SEZ6L: variants seen among roughly 807,000 people sequenced by gnomAD.
The protein encoded by SEZ6L is seizure 6-like protein.
Under a neutral mutation model 106.2 loss-of-function variants are expected in SEZ6L, and 37 were observed. That is an observed-to-expected ratio of 0.35 (90% CI 0.27 to 0.46). The LOEUF is 0.46. Ranked by LOEUF, SEZ6L falls within the 20% of genes least tolerant of loss-of-function variation. SEZ6L has a pLI of 1.00. For synonymous variants in SEZ6L, 541 were observed against 570.4 expected (o/e 0.95, Z 0.73); for missense variants, 1,172 against 1,332.8 (o/e 0.88, Z 1.88).
At chr22:26,174,510 T>C (rs922847173) in intron 1 of SEZ6L, among the ~76,000 whole-genome samples, 3 of 152,218 alleles carry the variant, frequency 2.0e-5, no homozygotes, top group Admixed American at 6.5e-5. Flanking sequence ...CAAAGGACTT[T>C]GAGCCGCGGT....
intron 1 of SEZ6L, among the ~76,000 whole-genome samples, chr22:26,214,602 C>G (rs1286144103): frequency 6.6e-6 from 1 of 152,176 alleles, no homozygotes; most frequent in Non-Finnish European, 1.5e-5. Flanking sequence ...TGCGGAATTT[C>G]AGGAAGGAAG....
chr22:26,369,559 C>T (rs1412715886), intron 13 of SEZ6L, among the ~76,000 whole-genome samples: 1 of 151,512 alleles, frequency 6.6e-6, no homozygotes, highest in African/African-American at 2.4e-5. Context: ...CCAGGATGGT[C>T]TCGATCTCCT....
At chr22:26,275,770 G>A (rs2080523262) in intron 1 of SEZ6L, among the ~76,000 whole-genome samples, 1 of 152,304 alleles carries the variant, frequency 6.6e-6, no homozygotes, top group Non-Finnish European at 1.5e-5. Flanking sequence ...CTCAGTTGGA[G>A]CATCTGGCTG....
intron 12 of SEZ6L, 141 bp from the exon 13 acceptor site, chr22:26,365,231 T>C (rs750591435): frequency 3.0e-6 from 2 of 661,446 alleles, no homozygotes; most frequent in African/African-American, 1.8e-5. Flanking sequence ...GTTTGAGAAA[T>C]AGAAAACAGT....
rs566912582 is a variant in SEZ6L, at chr22:26,337,387, A to G, written c.2016-3049A>G. On this transcript the variant is annotated intron_variant, in intron 9 of 16. Coordinates refer to ENST00000248933, the MANE Select transcript of SEZ6L (RefSeq NM_021115.5). ...CCAAGATGTGCATTGTCTGTAAACT[A>G]CTGTTACCAGCGGATCAGCTGTGAA... 3.9e-5 allele frequency among the ~76,000 whole-genome samples: 6 copies of G among 152,350 alleles called. No individual in the cohort carries two copies. In the East Asian group the frequency reaches 1.2e-3, roughly 29 times the overall value.
chr22:26,263,123 C>A (rs769414855), intron 1 of SEZ6L, among the ~76,000 whole-genome samples: 3 of 152,144 alleles, frequency 2.0e-5, no homozygotes, highest in Admixed American at 6.5e-5. Context: ...CATGGTCTAC[C>A]GGGTGCCACA....
intron 9 of SEZ6L, among the ~76,000 whole-genome samples, chr22:26,321,444 G>A (rs2082151064): frequency 6.6e-6 from 1 of 152,210 alleles, no homozygotes; most frequent in South Asian, 2.1e-4. Context: ...AGCAGGAAAA[G>A]GGTTTAAGCA....
chr22:26,285,833 G>T (rs1569443835), intron 1 of SEZ6L, among the ~76,000 whole-genome samples: 1 of 152,214 alleles, frequency 6.6e-6, no homozygotes, highest in African/African-American at 2.4e-5. Context: ...GGTTTTTCAA[G>T]CCTCAAACAG....
At chr22:26,223,478 C>A (rs1440491543) in intron 1 of SEZ6L, among the ~76,000 whole-genome samples, 1 of 152,090 alleles carries the variant, frequency 6.6e-6, no homozygotes, top group Non-Finnish European at 1.5e-5. Flanking sequence ...TAATTTCAAG[C>A]ACAAATTGTG....
intron 5 of SEZ6L, among the ~76,000 whole-genome samples, chr22:26,304,403 AG>A: frequency 6.6e-6 from 1 of 150,954 alleles, no homozygotes; most frequent in Non-Finnish European, 1.5e-5. Flanking sequence ...AAAGAAAGAA[AG>A]AAAGAAAGAA....
intron 1 of SEZ6L, among the ~76,000 whole-genome samples, chr22:26,258,189 G>A (rs1048825480): frequency 2.0e-5 from 3 of 152,160 alleles, no homozygotes; most frequent in East Asian, 3.9e-4. Flanking sequence ...ACACAAAGAC[G>A]CATAGGGAGA....
chr22:26,230,794 A>G (rs1292543459), intron 1 of SEZ6L, among the ~76,000 whole-genome samples: 1 of 152,226 alleles, frequency 6.6e-6, no homozygotes, highest in African/African-American at 2.4e-5. Context: ...CAAGCTGTGA[A>G]TGCAAAGATC....
intron 1 of SEZ6L, among the ~76,000 whole-genome samples, chr22:26,245,938 C>T (rs1386262257): frequency 6.6e-6 from 1 of 152,206 alleles, no homozygotes; most frequent in Non-Finnish European, 1.5e-5. Flanking sequence ...GATGATGATT[C>T]CTGTAAATAC....
Position 26,292,517 on chromosome 22 carries a change from C to A in SEZ6L, c.206C>A (p.Ala69Glu). 1 of 1,613,838 alleles carries A rather than the reference C, an allele frequency of 6.2e-7. No homozygotes were observed. The highest frequency in any genetic ancestry group is 8.5e-7 in the Non-Finnish European group (1 of 1,179,892). ...KEHPEERVVT[A>E]PPSSSQSAEV... The stretch of plus-strand genomic sequence containing the variant: ...CACCCTGAAGAGAGAGTGGTAACAG[C>A]GCCCCCCAGTTCCTCACAGTCGGCG... The change falls in exon 2 of 17, where the codon GCG (alanine) becomes GAG (glutamate). Residue 69 changes from alanine (A) to glutamate (E), a missense_variant. Around this residue, in one of 4 missense-constraint regions of SEZ6L, gnomAD observed 494 missense variants for 445.8 expected, o/e 1.11. Transcript: ENST00000248933.
At chr22:26,205,717 C>A (rs1941239597) in intron 1 of SEZ6L, among the ~76,000 whole-genome samples, 1 of 152,154 alleles carries the variant, frequency 6.6e-6, no homozygotes, top group Non-Finnish European at 1.5e-5. Context: ...TCACACTGCT[C>A]TAACTAAATT....
intron 1 of SEZ6L, among the ~76,000 whole-genome samples, chr22:26,223,602 T>C (rs1212665326): frequency 2.0e-5 from 3 of 147,640 alleles, no homozygotes; most frequent in Non-Finnish European, 4.6e-5. Flanking sequence ...TGTGTGTCCC[T>C]GAGAAAAAAA....
At chr22:26,177,057 C>G (rs1015926900) in intron 1 of SEZ6L, among the ~76,000 whole-genome samples, 2 of 152,190 alleles carry the variant, frequency 1.3e-5, no homozygotes, top group Non-Finnish European at 2.9e-5. Flanking sequence ...GGTATAAATT[C>G]TCAACCCATT....
At chr22:26,284,376 G>A (rs1323787316) in intron 1 of SEZ6L, among the ~76,000 whole-genome samples, 2 of 152,156 alleles carry the variant, frequency 1.3e-5, no homozygotes, top group African/African-American at 2.4e-5. Flanking sequence ...GGAGGCCAAG[G>A]CACATGGATC....
chr22:26,188,601 T>C (rs1271718342), intron 1 of SEZ6L, among the ~76,000 whole-genome samples: 1 of 152,234 alleles, frequency 6.6e-6, no homozygotes, highest in African/African-American at 2.4e-5. Flanking sequence ...GATATAGTGC[T>C]GTTCCCATGT....
Sources: gnomAD v4.1 joint callset for allele counts (sites outside exome capture counted in the v4.1 genomes callset) on GRCh38, gnomAD v4.1.1 for gene constraint, gnomAD v4.1.1 regional missense constraint, MANE v1.5 for transcripts, NCBI Gene and HGNC (gene_info 2026-07-23, HGNC 2026-07-21) for gene names.